NRCAM: variants seen among roughly 807,000 people sequenced by gnomAD.
NRCAM encodes the protein neuronal cell adhesion molecule.
A neutral mutation model predicts 156.5 loss-of-function variants in NRCAM; 83 were observed. The observed-to-expected ratio is 0.53, with a 90% CI of 0.44 to 0.64. The LOEUF is 0.64. Ranked by LOEUF, NRCAM falls within the 30% of genes least tolerant of loss-of-function variation. NRCAM has a pLI of 0.00. For synonymous variants in NRCAM, 538 were observed against 563.9 expected (o/e 0.95, Z 0.65); for missense variants, 1,417 against 1,597.3 (o/e 0.89, Z 1.92).
intron 8 of NRCAM, among the ~76,000 whole-genome samples, chr7:108,229,144 G>T (rs997747721): frequency 6.6e-6 from 1 of 151,992 alleles, no homozygotes; most frequent in African/African-American, 2.4e-5. Flanking sequence ...TATTAACAGG[G>T]TTACCAAGAA....
intron 13 of NRCAM, among the ~76,000 whole-genome samples, chr7:108,199,364 A>AGTTTTCCACGGTTGCT (rs1306351422): frequency 6.6e-6 from 1 of 152,218 alleles, no homozygotes; most frequent in Non-Finnish European, 1.5e-5. Context: ...ATTCTGTAAT[A>AGTTTTCCACGGTTGCT]GTTTTCCACG....
At chr7:108,298,625 C>G (rs1044260683) in intron 3 of NRCAM, among the ~76,000 whole-genome samples, 2 of 151,456 alleles carry the variant, frequency 1.3e-5, no homozygotes, top group African/African-American at 4.9e-5. Flanking sequence ...TGTACTCCAG[C>G]CTGGGTAACA....
At chr7:108,415,562 G>C (rs77673906) in intron 1 of NRCAM, among the ~76,000 whole-genome samples, 7,408 of 152,210 alleles carry the variant, frequency 0.049, 379 homozygotes, top group African/African-American at 0.13. Flanking sequence ...TAAATGGTTG[G>C]CCTACATCCT....
chr7:108,272,966 C>T (rs1264168120), intron 3 of NRCAM, among the ~76,000 whole-genome samples: 4 of 152,062 alleles, frequency 2.6e-5, no homozygotes, highest in African/African-American at 7.2e-5. Context: ...TCTCATTGTT[C>T]AACTCCCACT....
At chr7:108,246,586 A>G (rs1377920614) in intron 3 of NRCAM, among the ~76,000 whole-genome samples, 2 of 152,074 alleles carry the variant, frequency 1.3e-5, no homozygotes, top group East Asian at 3.9e-4. Context: ...AGAAACAGAA[A>G]CAGAGAAGAG....
intron 11 of NRCAM, among the ~76,000 whole-genome samples, chr7:108,223,110 T>G (rs1428406538): frequency 1.3e-5 from 2 of 152,160 alleles, no homozygotes; most frequent in Non-Finnish European, 2.9e-5. Context: ...GCATGATGTC[T>G]GTTGTTAGGA....
At chr7:108,198,876 T>TA (rs1233881870) in intron 13 of NRCAM, among the ~76,000 whole-genome samples, 1 of 152,220 alleles carries the variant, frequency 6.6e-6, no homozygotes, top group Non-Finnish European at 1.5e-5. Flanking sequence ...GCTTGATCCT[T>TA]ACTGAAGTGG....
Position 108,195,927 on chromosome 7 carries a change from GTTTA to G in NRCAM, c.1352-59_1352-56del, listed in dbSNP as rs1177662456. 69 of 1,117,752 alleles carry G rather than the reference GTTTA, an allele frequency of 6.2e-5. No homozygotes were observed. The East Asian group carries it at 1.3e-3, about 21-fold the overall frequency. The allele number at this position is 1,117,752 out of a possible 1,614,324, so 69.2% of individuals were successfully genotyped here. A position where few individuals can be genotyped will look rare whatever the true frequency, so the allele number is the denominator to read the frequency against. On this transcript the variant is annotated intron_variant, in intron 14 of 32. Transcript: ENST00000379028. ...TATTAGAATACATTTTAGGACTATCGTTTATTTATTGTATTTTGTTTTAAGGTCA... is the reference window on the plus strand; with the variant it reads ...TATTAGAATACATTTTAGGACTATCGTTTATTGTATTTTGTTTTAAGGTCA...
At position 108,232,343 on chromosome 7, in the gene NRCAM, A is replaced by G. The variant is rs2094440084; in HGVS notation, c.410T>C (p.Ile137Thr). The G allele has an allele frequency of 6.2e-7, 1 of 1,604,644 alleles. No homozygotes were observed. Among genetic ancestry groups the G allele is most frequent in the African/African-American group, 1.3e-5 (1 of 74,258 alleles). Residue 137 changes from isoleucine (I) to threonine (T), a missense_variant, in exon 7 of 33, where the codon ATT becomes ACT. Coordinates refer to ENST00000379028, the MANE Select transcript of NRCAM (RefSeq NM_001037132.4). ...NERGAAVSNN[I>T]VVRPSRSPLW... ...CCACTTACTGGATGGGCGGACAACAATGTTATTAGAAACTGCAGCTCCGCG... is the reference window on the plus strand; with the variant it reads ...CCACTTACTGGATGGGCGGACAACAGTGTTATTAGAAACTGCAGCTCCGCG...
At chr7:108,432,817 G>C (rs1827092080) in intron 1 of NRCAM, among the ~76,000 whole-genome samples, 1 of 152,018 alleles carries the variant, frequency 6.6e-6, no homozygotes, top group South Asian at 2.1e-4. Context: ...CAGGAGGATG[G>C]CTGGAACCTG....
At chr7:108,174,405 T>C (rs926598484) in intron 28 of NRCAM, among the ~76,000 whole-genome samples, 1 of 152,254 alleles carries the variant, frequency 6.6e-6, no homozygotes, top group African/African-American at 2.4e-5. Flanking sequence ...TCTCTTGGTC[T>C]TCCTTTTCTT....
chr7:108,406,179 G>A (rs17421351), intron 1 of NRCAM, among the ~76,000 whole-genome samples: 37,209 of 151,854 alleles, frequency 0.25, 4,822 homozygotes, highest in Non-Finnish European at 0.28. Context: ...CTTCTGGCTG[G>A]AATCAGGCAG....
intron 28 of NRCAM, among the ~76,000 whole-genome samples, chr7:108,169,808 A>G (rs760360830): frequency 7.2e-5 from 11 of 152,188 alleles, no homozygotes; most frequent in Non-Finnish European, 1.6e-4. Context: ...AAAAACATTA[A>G]TTTTCTTAAA....
intron 1 of NRCAM, among the ~76,000 whole-genome samples, chr7:108,418,927 G>A (rs373539952): frequency 2.0e-5 from 3 of 151,914 alleles, no homozygotes; most frequent in South Asian, 2.1e-4. Flanking sequence ...TTGAAAAATC[G>A]AGTGTTTCAG....
At chr7:108,308,260 C>T (rs762727785) in intron 3 of NRCAM, among the ~76,000 whole-genome samples, 8 of 152,178 alleles carry the variant, frequency 5.3e-5, no homozygotes, top group Non-Finnish European at 1.0e-4. Flanking sequence ...TTTGGTGAAC[C>T]TCAAAATTAA....
rs548080809 is a variant in NRCAM at position 108,449,408 on chromosome 7, G to A, written c.-332+6835C>T. ...AAGGGCCAAGACAACAGCCCAGCAA[G>A]TGGGGCAGGCAAAACAGGCCTCCTT... is the stretch of plus-strand genomic sequence containing the variant. On this transcript the variant is annotated intron_variant, in intron 1 of 32. Coordinates refer to ENST00000379028, the MANE Select transcript of NRCAM (RefSeq NM_001037132.4). Among the ~76,000 whole-genome samples, 9 of 152,304 alleles carry A rather than the reference G, an allele frequency of 5.9e-5. No individual in the cohort carries two copies. The East Asian group carries it at 1.7e-3, about 29-fold the overall frequency.
At chr7:108,292,201 T>C (rs1457839501) in intron 3 of NRCAM, among the ~76,000 whole-genome samples, 1 of 152,164 alleles carries the variant, frequency 6.6e-6, no homozygotes, top group Non-Finnish European at 1.5e-5. Flanking sequence ...AAGAAATACA[T>C]CCAGGGCCAG....
intron 20 of NRCAM, among the ~76,000 whole-genome samples, chr7:108,185,958 T>C (rs1004662519): frequency 3.9e-5 from 6 of 152,140 alleles, no homozygotes; most frequent in Admixed American, 1.3e-4. Flanking sequence ...ACCTATAACA[T>C]TGGTGTGGCC....
At chr7:108,211,967 CA>C (rs1355706286) in intron 11 of NRCAM, among the ~76,000 whole-genome samples, 2 of 152,196 alleles carry the variant, frequency 1.3e-5, no homozygotes, top group East Asian at 3.9e-4. Context: ...ATTAAACCAC[CA>C]AACCTAAGAA....
Sources: gnomAD v4.1 joint callset for allele counts (sites outside exome capture counted in the v4.1 genomes callset) on GRCh38, gnomAD v4.1.1 for gene constraint, MANE v1.5 for transcripts, NCBI Gene and HGNC (gene_info 2026-07-23, HGNC 2026-07-21) for gene names.